The following TSPAN5 variants were observed in gnomAD, a reference collection of about 807,000 sequenced individuals.
The protein encoded by TSPAN5 is tetraspanin 5.
A neutral mutation model predicts 37.1 loss-of-function variants in TSPAN5; 10 were observed. That is an observed-to-expected ratio of 0.27 (90% CI 0.17 to 0.46). The LOEUF is 0.46. TSPAN5 is among the 20% of genes least tolerant of loss of function. The probability of loss-of-function intolerance (pLI) is 1.00; values close to 1 mark genes in which losing one functional copy is unlikely to be tolerated. For synonymous variants in TSPAN5, 110 were observed against 118.9 expected (o/e 0.93, Z 0.48); for missense variants, 195 against 326.6 (o/e 0.60, Z 3.11).
intron 2 of TSPAN5, among the ~76,000 whole-genome samples, chr4:98,499,237 G>A (rs1753286683): frequency 6.6e-6 from 1 of 152,274 alleles, no homozygotes; most frequent in Non-Finnish European, 1.5e-5. Context: ...CGGGCAGGCG[G>A]TGGGCAGAGG....
At chr4:98,491,685 TA>T (rs33967393) in intron 2 of TSPAN5, among the ~76,000 whole-genome samples, 102,007 of 138,838 alleles carry the variant, frequency 0.73, 37,101 homozygotes, top group South Asian at 0.85. Flanking sequence ...AGACTCTGTC[TA>T]AAAAAAAAAA....
chr4:98,476,630 G>A (rs762186642), intron 5 of TSPAN5, among the ~76,000 whole-genome samples, 170 bp from the exon 6 acceptor site: 24 of 152,144 alleles, frequency 1.6e-4, no homozygotes, highest in Admixed American at 1.3e-3. Context: ...TCATTATTGC[G>A]ACAATCTTCA....
At chr4:98,645,803 G>A (rs1230771788) in intron 1 of TSPAN5, among the ~76,000 whole-genome samples, 2 of 152,144 alleles carry the variant, frequency 1.3e-5, no homozygotes, top group Admixed American at 6.5e-5. Context: ...GCAGTTTTAG[G>A]GGTGTTTCTG....
chr4:98,562,335 T>G (rs951845642), intron 1 of TSPAN5, among the ~76,000 whole-genome samples: 1 of 151,874 alleles, frequency 6.6e-6, no homozygotes, highest in Non-Finnish European at 1.5e-5. Context: ...AGATGAAAAC[T>G]GAAATAAGAC....
intron 2 of TSPAN5, among the ~76,000 whole-genome samples, chr4:98,500,663 G>A (rs1753324891): frequency 6.6e-6 from 1 of 152,216 alleles, no homozygotes; most frequent in South Asian, 2.1e-4. Context: ...TCAGGGAAGT[G>A]CAAATGCAAC....
intron 1 of TSPAN5, among the ~76,000 whole-genome samples, chr4:98,606,822 G>A (rs1181489519): frequency 1.3e-5 from 2 of 152,168 alleles, no homozygotes; most frequent in African/African-American, 4.8e-5. Context: ...AAGGCTTTAC[G>A]GTGATTCTCA....
At chr4:98,543,344 T>C (rs1754401101) in intron 1 of TSPAN5, among the ~76,000 whole-genome samples, 1 of 152,140 alleles carries the variant, frequency 6.6e-6, no homozygotes, top group Admixed American at 6.6e-5. Context: ...TATCTGCACT[T>C]TGACTAGCAT....
At chr4:98,524,016 C>T (rs1339703005) in intron 1 of TSPAN5, among the ~76,000 whole-genome samples, 1 of 152,124 alleles carries the variant, frequency 6.6e-6, no homozygotes. Context: ...ATAGTAGGCA[C>T]TCAATAAACA....
intron 2 of TSPAN5, among the ~76,000 whole-genome samples, chr4:98,503,873 T>C (rs1753413318): frequency 6.6e-6 from 1 of 152,178 alleles, no homozygotes; most frequent in Non-Finnish European, 1.5e-5. Context: ...GTGGAGGTGA[T>C]TCATGTCACA....
chr4:98,529,146 AAC>A (rs1233472026), intron 1 of TSPAN5, among the ~76,000 whole-genome samples: 1 of 152,168 alleles, frequency 6.6e-6, no homozygotes, highest in Non-Finnish European at 1.5e-5. Context: ...ACCCACTGAA[AAC>A]ACACACACAG....
At chr4:98,585,267 G>A (rs947515050) in intron 1 of TSPAN5, among the ~76,000 whole-genome samples, 11 of 151,966 alleles carry the variant, frequency 7.2e-5, no homozygotes, top group Non-Finnish European at 1.5e-4. Context: ...ATACTTCAAC[G>A]TTCAGCCTCC....
chr4:98,479,018 G>A (rs569852006), intron 4 of TSPAN5, among the ~76,000 whole-genome samples: 9 of 152,296 alleles, frequency 5.9e-5, no homozygotes, highest in Non-Finnish European at 1.0e-4. Flanking sequence ...GTGTTGGCAC[G>A]TGATTTAAAC....
At chr4:98,584,673 T>C (rs1056743408) in intron 1 of TSPAN5, among the ~76,000 whole-genome samples, 3 of 152,214 alleles carry the variant, frequency 2.0e-5, no homozygotes, top group Non-Finnish European at 4.4e-5. Flanking sequence ...GACTCTGTGA[T>C]TGCCTCAGGC....
At chr4:98,537,984 C>A (rs954092759) in intron 1 of TSPAN5, among the ~76,000 whole-genome samples, 3 of 152,250 alleles carry the variant, frequency 2.0e-5, no homozygotes, top group Non-Finnish European at 4.4e-5. Flanking sequence ...GATGTGACCA[C>A]CTATGAGGGG....
intron 1 of TSPAN5, among the ~76,000 whole-genome samples, chr4:98,555,541 G>A (rs1754721947): frequency 6.6e-6 from 1 of 151,864 alleles, no homozygotes. Flanking sequence ...CCCCTAGTAG[G>A]CTGTATGCAT....
chr4:98,605,190 C>A (rs1237439791), intron 1 of TSPAN5, among the ~76,000 whole-genome samples: 1 of 152,074 alleles, frequency 6.6e-6, no homozygotes, highest in Non-Finnish European at 1.5e-5. Flanking sequence ...AGTCTGGTGA[C>A]CTACTGACAT....
At chr4:98,573,527 T>C (rs529073135) in intron 1 of TSPAN5, among the ~76,000 whole-genome samples, 122 of 152,354 alleles carry the variant, frequency 8.0e-4, no homozygotes, top group African/African-American at 2.5e-3. Context: ...TGAGCCACCA[T>C]GGCCCAGCCG....
At chr4:98,482,196 A>G in intron 3 of TSPAN5, 21 bp from the exon 4 acceptor site, 1 of 1,611,456 alleles carries the variant, frequency 6.2e-7, no homozygotes, top group Admixed American at 1.7e-5. Context: ...AGACACATAC[A>G]CAGAGAACAG....
chr4:98,472,504 G>A lies in TSPAN5; in HGVS notation c.*18C>T. ...AGCTGGGTCTGTCCAGTGTCTTGCA[G>A]CAGCGGTTGCAGGGGGTCTACCAGC... On this transcript the variant is annotated 3_prime_UTR_variant, in exon 8 of 8. Transcript: ENST00000305798. The A allele has an allele frequency of 6.2e-7, 1 of 1,613,554 alleles. No individual in the cohort carries two copies. Among genetic ancestry groups the A allele is most frequent in the Non-Finnish European group, 8.5e-7 (1 of 1,179,664 alleles).
Sources: gnomAD v4.1 joint callset for allele counts (sites outside exome capture counted in the v4.1 genomes callset) on GRCh38, gnomAD v4.1.1 for gene constraint, MANE v1.5 for transcripts, NCBI Gene and HGNC (gene_info 2026-07-23, HGNC 2026-07-21) for gene names.